Variants in ADGRL3 observed in about 807,000 individuals in gnomAD.
ADGRL3 encodes the protein adhesion G protein-coupled receptor L3, also known as calcium-independent alpha-latrotoxin receptor 3.
Under a neutral mutation model 153.5 loss-of-function variants are expected in ADGRL3, and 62 were observed. That is an observed-to-expected ratio of 0.40 (90% CI 0.33 to 0.50). The LOEUF is 0.50. Among genes scored for constraint, ADGRL3 ranks in the 20% least tolerant of loss-of-function variants. The pLI is 0.47. For missense variants in ADGRL3, 1,641 were observed against 1,859.4 expected (o/e 0.88, Z 2.16); for synonymous variants, 710 against 672.5 (o/e 1.06, Z -0.86).
intron 8 of ADGRL3, among the ~76,000 whole-genome samples, chr4:61,772,245 C>A (rs2097095458): frequency 6.6e-6 from 1 of 152,120 alleles, no homozygotes; most frequent in Non-Finnish European, 1.5e-5. Context: ...AAAAATCTTA[C>A]CTTCCCTCTC....
At chr4:61,546,219 A>G (rs866703302) in intron 4 of ADGRL3, among the ~76,000 whole-genome samples, 1 of 152,198 alleles carries the variant, frequency 6.6e-6, no homozygotes, top group Non-Finnish European at 1.5e-5. Context: ...TACTCTTCGG[A>G]TGAAATAAAA....
At chr4:61,826,909 A>C (rs1387551268) in intron 9 of ADGRL3, among the ~76,000 whole-genome samples, 1 of 123,006 alleles carries the variant, frequency 8.1e-6, no homozygotes, top group Non-Finnish European at 1.6e-5. Context: ...TAGGACTTAA[A>C]GTATAATAAA....
intron 17 of ADGRL3, among the ~76,000 whole-genome samples, chr4:61,962,001 A>G (rs1174276857): frequency 2.0e-5 from 3 of 152,098 alleles, no homozygotes; most frequent in Non-Finnish European, 4.4e-5. Context: ...GCATGTGTGT[A>G]TATTTTGCTG....
intron 1 of ADGRL3, among the ~76,000 whole-genome samples, chr4:61,365,550 C>T (rs1277912285): frequency 6.6e-6 from 1 of 152,244 alleles, no homozygotes; most frequent in African/African-American, 2.4e-5. Context: ...TGCAGCAGTG[C>T]TGCTGGATAC....
At chr4:61,543,871 A>T (rs956177315) in intron 4 of ADGRL3, among the ~76,000 whole-genome samples, 5 of 152,184 alleles carry the variant, frequency 3.3e-5, no homozygotes, top group African/African-American at 1.2e-4. Flanking sequence ...ATATTCCATT[A>T]TTTGAATATT....
intron 8 of ADGRL3, among the ~76,000 whole-genome samples, chr4:61,741,686 G>C (rs2096582230): frequency 6.6e-6 from 1 of 152,120 alleles, no homozygotes. Flanking sequence ...AATGACATCT[G>C]CCTTTCAGGC....
intron 9 of ADGRL3, among the ~76,000 whole-genome samples, chr4:61,849,192 T>C (rs1472792018): frequency 6.6e-6 from 1 of 152,140 alleles, no homozygotes; most frequent in Non-Finnish European, 1.5e-5. Flanking sequence ...CTTTGCTCTA[T>C]TTGAAATTGT....
intron 8 of ADGRL3, among the ~76,000 whole-genome samples, chr4:61,755,078 T>A (rs1164705421): frequency 2.0e-5 from 3 of 152,196 alleles, no homozygotes; most frequent in Non-Finnish European, 4.4e-5. Flanking sequence ...GCAATAAACA[T>A]ATGTGTGCAT....
At chr4:61,722,561 A>G (rs1294095405) in intron 6 of ADGRL3, among the ~76,000 whole-genome samples, 3 of 152,196 alleles carry the variant, frequency 2.0e-5, no homozygotes, top group Middle Eastern at 3.2e-3. Context: ...TAATAATAAC[A>G]TGGTGAATAA....
At chr4:61,314,687 T>C (rs1028961258) in intron 1 of ADGRL3, among the ~76,000 whole-genome samples, 7 of 152,210 alleles carry the variant, frequency 4.6e-5, no homozygotes, top group Non-Finnish European at 2.9e-5. Context: ...CCAAGGTTTA[T>C]TGCCCTTCTG....
At chr4:61,530,912 T>C (rs1195279415) in intron 4 of ADGRL3, among the ~76,000 whole-genome samples, 1 of 152,212 alleles carries the variant, frequency 6.6e-6, no homozygotes, top group Non-Finnish European at 1.5e-5. Flanking sequence ...GTTATGTGTA[T>C]GTTTCTTCCT....
At chr4:61,509,169 C>G (rs1256395620) in intron 3 of ADGRL3, among the ~76,000 whole-genome samples, 1 of 138,510 alleles carries the variant, frequency 7.2e-6, no homozygotes, top group South Asian at 2.3e-4. Context: ...CATTTGTTGC[C>G]CAGGCTGGAG....
chr4:61,984,856 G>A (rs1441530506), intron 19 of ADGRL3, among the ~76,000 whole-genome samples: 1 of 152,006 alleles, frequency 6.6e-6, no homozygotes, highest in Non-Finnish European at 1.5e-5. Context: ...TAGTAAGAGC[G>A]TTATTTACAC....
At chr4:61,524,416 TTGA>T (rs1289274758) in intron 4 of ADGRL3, among the ~76,000 whole-genome samples, 3 of 152,096 alleles carry the variant, frequency 2.0e-5, no homozygotes, top group African/African-American at 7.2e-5. Flanking sequence ...ATTAATTAAA[TTGA>T]TGATTTTTTT....
chr4:61,436,034 C>A (rs1267064408), intron 2 of ADGRL3, among the ~76,000 whole-genome samples: 1 of 151,988 alleles, frequency 6.6e-6, no homozygotes, highest in East Asian at 1.9e-4. Context: ...AATTAAAAAC[C>A]TTTTGAATGC....
At chr4:61,417,403 T>C (rs761202229) in intron 2 of ADGRL3, among the ~76,000 whole-genome samples, 22 of 151,788 alleles carry the variant, frequency 1.4e-4, no homozygotes, top group Non-Finnish European at 2.6e-4. Context: ...GGAGGATCAC[T>C]CTTGAACCCA....
At chr4:61,409,420 T>TAA (rs71211381) in intron 2 of ADGRL3, among the ~76,000 whole-genome samples, 1 of 142,910 alleles carries the variant, frequency 7.0e-6, no homozygotes, top group Non-Finnish European at 1.5e-5. Context: ...TATATATATA[T>TAA]TATATATATG....
chr4:61,763,617 A>G (rs938670778), intron 8 of ADGRL3, among the ~76,000 whole-genome samples: 4 of 152,134 alleles, frequency 2.6e-5, no homozygotes, highest in Non-Finnish European at 4.4e-5. Context: ...AACATACCCA[A>G]ATATATTTAG....
At chr4:61,876,902 T>G (rs1360071369) in intron 9 of ADGRL3, among the ~76,000 whole-genome samples, 1 of 99,180 alleles carries the variant, frequency 1.0e-5, no homozygotes, top group East Asian at 3.2e-4. Flanking sequence ...AAACTTGCTT[T>G]CACTTTAAAA....
Sources: allele counts gnomAD v4.1 joint callset (sites outside exome capture counted in the v4.1 genomes callset), GRCh38; gene constraint gnomAD v4.1.1; transcripts MANE v1.5; gene names NCBI Gene and HGNC (gene_info 2026-07-23, HGNC 2026-07-21).